The following ZBTB16 variants were observed in gnomAD, a reference collection of about 807,000 sequenced individuals.
The protein encoded by ZBTB16 is zinc finger and BTB domain containing 16.
A neutral mutation model predicts 56.8 loss-of-function variants in ZBTB16; 8 were observed. The observed-to-expected ratio is 0.14, with a 90% CI of 0.08 to 0.25. The LOEUF (loss-of-function observed/expected upper bound fraction) is 0.25, where lower values mean the gene tolerates loss of function less well. Among genes scored for constraint, ZBTB16 ranks in the 10% least tolerant of loss-of-function variants. ZBTB16 has a pLI of 1.00. For synonymous variants in ZBTB16, 363 were observed against 368.5 expected (o/e 0.98, Z 0.17); for missense variants, 625 against 903.0 (o/e 0.69, Z 3.95).
intron 2 of ZBTB16, among the ~76,000 whole-genome samples, chr11:114,154,664 G>A (rs1942361267): frequency 6.6e-6 from 1 of 152,168 alleles, no homozygotes; most frequent in Non-Finnish European, 1.5e-5. Flanking sequence ...TCTCAATTTG[G>A]GTGGATCAGC....
At chr11:114,214,482 C>T (rs1944056753) in intron 4 of ZBTB16, among the ~76,000 whole-genome samples, 3 of 152,246 alleles carry the variant, frequency 2.0e-5, no homozygotes, top group African/African-American at 4.8e-5. Context: ...TTAACTCTCA[C>T]AGCAGCCCTA....
chr11:114,127,829 C>T (rs1042488568), intron 2 of ZBTB16, among the ~76,000 whole-genome samples: 1 of 152,116 alleles, frequency 6.6e-6, no homozygotes, highest in African/African-American at 2.4e-5. Context: ...CTCCACAGTC[C>T]GGGAGAGGAG....
intron 2 of ZBTB16, among the ~76,000 whole-genome samples, chr11:114,132,964 C>G (rs754791767): frequency 1.3e-5 from 2 of 152,166 alleles, no homozygotes; most frequent in Non-Finnish European, 2.9e-5. Context: ...TCTGTTATTA[C>G]TGCAGTACAA....
At chr11:114,246,754 A>G (rs1944824600) in intron 5 of ZBTB16, 2 of 231,894 alleles carry the variant, frequency 8.6e-6, no homozygotes, top group Non-Finnish European at 1.7e-5. Flanking sequence ...GGGACTGTAG[A>G]AGGTGTTTGG....
chr11:114,222,491 G>A (rs1248396149), intron 4 of ZBTB16, among the ~76,000 whole-genome samples: 2 of 152,150 alleles, frequency 1.3e-5, no homozygotes, highest in Middle Eastern at 3.2e-3. Flanking sequence ...TGACAAGGAC[G>A]AGGGATCCTT....
chr11:114,107,678 T>C (rs1387255218), intron 2 of ZBTB16, among the ~76,000 whole-genome samples: 1 of 152,214 alleles, frequency 6.6e-6, no homozygotes, highest in East Asian at 1.9e-4. Flanking sequence ...CAATGTGTGA[T>C]GTGGAGATAT....
intron 2 of ZBTB16, among the ~76,000 whole-genome samples, chr11:114,084,120 C>T (rs994710772): frequency 6.6e-6 from 1 of 152,210 alleles, no homozygotes; most frequent in Admixed American, 6.5e-5. Context: ...TGCATGCTCT[C>T]AGGTTATTTC....
intron 3 of ZBTB16, among the ~76,000 whole-genome samples, chr11:114,184,175 C>T (rs1013991008): frequency 6.6e-6 from 1 of 152,230 alleles, no homozygotes; most frequent in Non-Finnish European, 1.5e-5. Context: ...AGAGTATATC[C>T]TGCTCATCAG....
intron 3 of ZBTB16, among the ~76,000 whole-genome samples, chr11:114,162,496 A>T (rs1942617438): frequency 6.6e-6 from 1 of 150,738 alleles, no homozygotes; most frequent in South Asian, 2.1e-4. Context: ...CCTCCCATTC[A>T]CCTCTCTCCT....
intron 4 of ZBTB16, among the ~76,000 whole-genome samples, chr11:114,201,014 C>A (rs1000313107): frequency 3.3e-5 from 5 of 152,160 alleles, no homozygotes; most frequent in African/African-American, 4.8e-5. Context: ...GGCTGTTATT[C>A]CTCCAAAGTT....
At chr11:114,211,726 C>G (rs917772742) in intron 4 of ZBTB16, among the ~76,000 whole-genome samples, 2 of 152,294 alleles carry the variant, frequency 1.3e-5, no homozygotes, top group South Asian at 4.1e-4. Flanking sequence ...CGTTTGCGTT[C>G]GCAGTGGGGA....
chr11:114,192,327 A>G (rs1943515007), intron 4 of ZBTB16, among the ~76,000 whole-genome samples: 2 of 152,148 alleles, frequency 1.3e-5, no homozygotes, highest in South Asian at 2.1e-4. Flanking sequence ...TATTTCATCA[A>G]TCAGATAGTC....
chr11:114,211,727 G>A (rs1001835733), intron 4 of ZBTB16, among the ~76,000 whole-genome samples: 2 of 152,124 alleles, frequency 1.3e-5, no homozygotes, highest in Non-Finnish European at 2.9e-5. Context: ...GTTTGCGTTC[G>A]CAGTGGGGAG....
intron 4 of ZBTB16, among the ~76,000 whole-genome samples, chr11:114,241,769 A>G (rs1223308682): frequency 6.6e-6 from 1 of 152,100 alleles, no homozygotes; most frequent in Non-Finnish European, 1.5e-5. Context: ...GGCCCATAGT[A>G]TCTTTGTTAT....
chr11:114,138,647 A>G (rs2134885296), intron 2 of ZBTB16, among the ~76,000 whole-genome samples: 1 of 150,662 alleles, frequency 6.6e-6, no homozygotes, highest in Admixed American at 6.6e-5. Flanking sequence ...TGAGTCAACT[A>G]CCACTCTTTT....
Position 114,249,771 on chromosome 11 carries a change from C to CAAAAAAAAAAAAA in ZBTB16, c.1793-549_1793-537dup, listed in dbSNP as rs55732116. 2.6e-3 allele frequency among the ~76,000 whole-genome samples: 152 copies of CAAAAAAAAAAAAA among 59,218 alleles called. 4 individuals are homozygous for CAAAAAAAAAAAAA. Among genetic ancestry groups the CAAAAAAAAAAAAA allele is most frequent in the African/African-American group, 7.7e-3 (98 of 12,672 alleles). 38.8% of individuals were successfully genotyped at this position (59,218 alleles called of 152,430 possible). The stretch of plus-strand genomic sequence containing the variant: ...TGGGCGACACAGCGAGACTCCGTCT[C>CAAAAAAAAAAAAA]AAAAAAAAAAAAAAAAAAGAGAGCT... On this transcript the variant is annotated intron_variant, in intron 6 of 6. Transcript: ENST00000335953.
chr11:114,207,573 G>A (rs536861375), intron 4 of ZBTB16, among the ~76,000 whole-genome samples: 1 of 145,840 alleles, frequency 6.9e-6, no homozygotes, highest in Admixed American at 6.7e-5. Flanking sequence ...TGTCTTGTTT[G>A]CCTGATACAC....
intron 4 of ZBTB16, chr11:114,209,840 T>C: frequency 2.0e-6 from 2 of 985,424 alleles, no homozygotes; most frequent in African/African-American, 1.7e-5. Flanking sequence ...CCTTCTGGCA[T>C]CCTGCTGTGG....
At chr11:114,214,065 A>G (rs1470693745) in intron 4 of ZBTB16, among the ~76,000 whole-genome samples, 1 of 152,206 alleles carries the variant, frequency 6.6e-6, no homozygotes, top group Non-Finnish European at 1.5e-5. Context: ...GAGACCAGCA[A>G]AAGGTCACTG....
Sources: allele counts gnomAD v4.1 joint callset (sites outside exome capture counted in the v4.1 genomes callset), GRCh38; gene constraint gnomAD v4.1.1; transcripts MANE v1.5; gene names NCBI Gene and HGNC (gene_info 2026-07-23, HGNC 2026-07-21).